Variants in NLRP1 observed in about 807,000 individuals in gnomAD.
NLRP1 encodes NLR family pyrin domain containing 1.
NLRP1 carries 94 observed loss-of-function variants against 136.7 expected under a neutral mutation model. The ratio of observed to expected loss-of-function variants is 0.69; its 90% CI spans 0.58 to 0.82. The LOEUF (loss-of-function observed/expected upper bound fraction) is 0.82, where lower values mean the gene tolerates loss of function less well. NLRP1 is among the 40% of genes least tolerant of loss of function. NLRP1 has a pLI of 0.00. For synonymous variants in NLRP1, 690 were observed against 725.1 expected (o/e 0.95, Z 0.78); for missense variants, 1,575 against 1,802.7 (o/e 0.87, Z 2.29).
At chr17:5,508,375 T>C (rs1907463825) in intron 15 of NLRP1, among the ~76,000 whole-genome samples, 1 of 152,204 alleles carries the variant, frequency 6.6e-6, no homozygotes, top group South Asian at 2.1e-4. Flanking sequence ...GGCCTTGAAC[T>C]CCTGGCCTCA....
At position 5,514,477 on chromosome 17, in the gene NLRP1, C is replaced by G. The variant is rs1381979965; in HGVS notation, c.*277G>C. The stretch of plus-strand genomic sequence containing the variant: ...GGGATCCGGAGGGCTCTAGGCTTGG[C>G]TGCTGTGGCCACCAGATGAGGCTCT... On this transcript the variant is annotated 3_prime_UTR_variant, in exon 17 of 17. Transcript: ENST00000572272. 6 of 1,308,852 alleles carry G rather than the reference C, an allele frequency of 4.6e-6. No individual in the cohort carries two copies. The highest frequency in any genetic ancestry group is 4.9e-6 in the Non-Finnish European group (5 of 1,021,340). 81.1% of individuals were successfully genotyped at this position (1,308,852 alleles called of 1,614,324 possible).
intron 3 of NLRP1, among the ~76,000 whole-genome samples, chr17:5,575,052 C>T (rs1488966500): frequency 6.6e-6 from 1 of 152,166 alleles, no homozygotes; most frequent in African/African-American, 2.4e-5. Context: ...GAAATAAAAT[C>T]CTTTACAGAC....
At chr17:5,573,723 C>T (rs559748605) in intron 3 of NLRP1, among the ~76,000 whole-genome samples, 335 of 152,332 alleles carry the variant, frequency 2.2e-3, no homozygotes, top group African/African-American at 7.7e-3. Context: ...AGTGGACCTC[C>T]AGCAAACTCC....
chr17:5,529,090 T>A (rs1490066895), intron 12 of NLRP1, among the ~76,000 whole-genome samples: 1 of 152,200 alleles, frequency 6.6e-6, no homozygotes, highest in East Asian at 1.9e-4. Flanking sequence ...TCTTTCTGGC[T>A]GATGTCAAGG....
chr17:5,565,528 C>A (rs1915240835), intron 3 of NLRP1, among the ~76,000 whole-genome samples: 1 of 152,142 alleles, frequency 6.6e-6, no homozygotes, highest in Admixed American at 6.5e-5. Context: ...GTTGCCTATG[C>A]TTGTGTGTTA....
At position 5,558,825 on chromosome 17, in the gene NLRP1, A is replaced by C; in HGVS notation, c.1871T>G (p.Leu624Arg). The C allele has an allele frequency of 1.9e-6, 3 of 1,614,202 alleles. No individual in the cohort carries two copies. Among genetic ancestry groups the C allele is most frequent in the African/African-American group, 1.3e-5 (1 of 75,056 alleles). ...TGCTGCAAAGAACTCTTGGAAACAG[A>C]GGTGAATGAAGCTGTAGCTCAGAGG... ...PIPLSYSFIH[L>R]CFQEFFAAMS... The change falls in exon 4 of 17, where the codon CTC becomes CGC. Residue 624 changes from leucine (L) to arginine (R), a missense_variant. Coordinates refer to ENST00000572272, the MANE Select transcript of NLRP1 (RefSeq NM_033004.4).
chr17:5,556,712 C>T (rs1914136864), intron 4 of NLRP1, among the ~76,000 whole-genome samples: 1 of 151,884 alleles, frequency 6.6e-6, no homozygotes, highest in South Asian at 2.1e-4. Context: ...AACCTCTGCC[C>T]CTGACCTGTC....
In NLRP1 at chr17:5,583,981, G is replaced by A; in HGVS notation, c.-24C>T. ...ATCTCTGTCCCGGAGTTAAGAGGGT[G>A]TCTGGGGGATGTTCCCAGGTGGTGA... On this transcript the variant is annotated 5_prime_UTR_variant, in exon 1 of 17. Transcript: ENST00000572272. The surrounding 1 kb of genome is among the most constrained non-coding windows in gnomAD (Gnocchi z 4.5). The A allele has an allele frequency of 6.2e-7, 1 of 1,600,504 alleles. No individual in the cohort carries two copies. Among genetic ancestry groups the A allele is most frequent in the Non-Finnish European group, 8.5e-7 (1 of 1,172,920 alleles).
chr17:5,557,942 T>C (rs1462345611), intron 4 of NLRP1, among the ~76,000 whole-genome samples: 1 of 152,056 alleles, frequency 6.6e-6, no homozygotes, highest in Non-Finnish European at 1.5e-5. Context: ...GAGCAATTTC[T>C]CCGAGAGAAT....
At chr17:5,539,098 T>G (rs1166189673) in intron 7 of NLRP1, among the ~76,000 whole-genome samples, 2 of 152,188 alleles carry the variant, frequency 1.3e-5, no homozygotes, top group African/African-American at 4.8e-5. Context: ...CTCTAACTCC[T>G]GACCTCAAGT....
At chr17:5,567,656 G>T (rs1430176006) in intron 3 of NLRP1, among the ~76,000 whole-genome samples, 1 of 151,990 alleles carries the variant, frequency 6.6e-6, no homozygotes, top group Non-Finnish European at 1.5e-5. Flanking sequence ...TTACTATTAT[G>T]AGTAAGTTTC....
chr17:5,518,593 G>A (rs1908452510), intron 14 of NLRP1: 1 of 140,866 alleles, frequency 7.1e-6, no homozygotes, highest in African/African-American at 2.6e-5. Flanking sequence ...TTTTTAAAGA[G>A]AGATGGGGTT....
intron 6 of NLRP1, 48 bp from the exon 7 acceptor site, chr17:5,539,633 C>G: frequency 6.6e-7 from 1 of 1,503,990 alleles, no homozygotes; most frequent in African/African-American, 1.4e-5. Flanking sequence ...TAAGGGCTCG[C>G]TCTTCAGGGT....
intron 15 of NLRP1, chr17:5,502,232 G>A: frequency 4.2e-6 from 1 of 239,002 alleles, no homozygotes; most frequent in Non-Finnish European, 8.5e-6. Flanking sequence ...CCAGTTGGCT[G>A]GATGAGGAGA....
chr17:5,517,386 T>C (rs36112254), intron 15 of NLRP1, among the ~76,000 whole-genome samples: 1,389 of 110,632 alleles, frequency 0.013, 27 homozygotes, highest in Middle Eastern at 0.027. Context: ...CTTTCTTCCA[T>C]TGACTTTTTC....
chr17:5,510,774 G>A (rs559422218), downstream of NLRP1, among the ~76,000 whole-genome samples: 3 of 152,214 alleles, frequency 2.0e-5, no homozygotes, highest in South Asian at 2.1e-4. Flanking sequence ...AGATCTTCAG[G>A]CCTTCGCCTC....
chr17:5,515,387 T>C, intron 16 of NLRP1, 86 bp downstream of exon 16: 2 of 1,182,632 alleles, frequency 1.7e-6, no homozygotes, highest in South Asian at 1.2e-5. Context: ...GATGAGTCCC[T>C]TCCTTTCTCT....
intron 9 of NLRP1, among the ~76,000 whole-genome samples, 167 bp from the exon 10 acceptor site, chr17:5,533,551 G>GTTTTTTTTTTTTTTTTTTTTTTT (rs35006823): frequency 3.3e-5 from 3 of 90,030 alleles, no homozygotes; most frequent in Non-Finnish European, 6.4e-5. Context: ...GTGAGACTCT[G>GTTTTTTTTTTTTTTTTTTTTTTT]TTTTTTTTTT....
intron 3 of NLRP1, among the ~76,000 whole-genome samples, chr17:5,564,264 C>T (rs1444457340): frequency 6.6e-6 from 1 of 152,020 alleles, no homozygotes; most frequent in Non-Finnish European, 1.5e-5. Context: ...CTATAGTCAC[C>T]CTATTGTGCT....
Sources: allele counts gnomAD v4.1 joint callset (sites outside exome capture counted in the v4.1 genomes callset), GRCh38; gene constraint gnomAD v4.1.1; non-coding constraint Gnocchi (gnomAD v3.1); transcripts MANE v1.5; gene names NCBI Gene and HGNC (gene_info 2026-07-23, HGNC 2026-07-21).